IGF2BP3: variants seen among roughly 807,000 people sequenced by gnomAD.
The protein encoded by IGF2BP3 is insulin-like growth factor 2 mRNA-binding protein 3.
Under a neutral mutation model 73.8 loss-of-function variants are expected in IGF2BP3, and 9 were observed. The observed-to-expected ratio is 0.12, with a 90% confidence interval of 0.07 to 0.21. IGF2BP3 has a LOEUF of 0.21. Among genes scored for constraint, IGF2BP3 ranks in the 10% least tolerant of loss-of-function variants. IGF2BP3 has a pLI of 1.00. For synonymous variants in IGF2BP3, 258 were observed against 256.7 expected (o/e 1.01, Z -0.05); for missense variants, 542 against 714.0 (o/e 0.76, Z 2.75).
intron 2 of IGF2BP3, among the ~76,000 whole-genome samples, chr7:23,420,765 G>C (rs547977199): frequency 6.6e-6 from 1 of 152,278 alleles, no homozygotes; most frequent in South Asian, 2.1e-4. Context: ...ATGGAGGAGG[G>C]AAGGAAGAGA....
chr7:23,461,464 C>T (rs1039300998), intron 2 of IGF2BP3, among the ~76,000 whole-genome samples: 2 of 152,166 alleles, frequency 1.3e-5, no homozygotes, highest in Non-Finnish European at 2.9e-5. Flanking sequence ...ACCAAAGTTC[C>T]TATTTTCTAC....
chr7:23,320,974 AAAC>A (rs1784127710), intron 10 of IGF2BP3, among the ~76,000 whole-genome samples: 1 of 151,248 alleles, frequency 6.6e-6, no homozygotes, highest in South Asian at 2.1e-4. Flanking sequence ...AAAAAAGAAA[AAAC>A]AAAAAAGAAA....
At chr7:23,440,580 G>T (rs992953305) in intron 2 of IGF2BP3, among the ~76,000 whole-genome samples, 12 of 152,230 alleles carry the variant, frequency 7.9e-5, no homozygotes, top group Non-Finnish European at 1.5e-4. Flanking sequence ...TAAGCTTTAA[G>T]AATGTGTTAC....
intron 3 of IGF2BP3, among the ~76,000 whole-genome samples, chr7:23,376,199 A>T (rs905543654): frequency 1.3e-5 from 2 of 152,240 alleles, no homozygotes; most frequent in African/African-American, 4.8e-5. Context: ...CACTGGAAGA[A>T]GTCTTAAACT....
chr7:23,342,152 G>A lies in IGF2BP3; in HGVS notation c.1115C>T (p.Ala372Val). The A allele has an allele frequency of 6.2e-7, 1 of 1,613,842 alleles. No individual in the cohort carries two copies. Residue 372 changes from alanine to valine, a missense_variant, in exon 10 of 15, where the codon GCC (alanine) becomes GTC (valine). By Grantham distance (64) the Ala-to-Val change is moderately conservative (BLOSUM62 0). Transcript: ENST00000258729. Reference protein sequence around the residue: ...AHLIPGLNLNALGLFPPTSGM... With the variant: ...AHLIPGLNLNVLGLFPPTSGM... ...TGAAGTGGGTGGGAACAGACCCAAG[G>A]CGTTCAGATTTAATCCAGGAATTAA...
rs374001153 is a variant in IGF2BP3, at chr7:23,343,738, T to C, written c.1057A>G (p.Asn353Asp). The C allele has an allele frequency of 1.2e-6, 2 of 1,611,808 alleles. No homozygotes were observed. The highest frequency in any genetic ancestry group is 2.7e-5 in the African/African-American group (2 of 74,888). Reference protein sequence around the residue: ...IMKKIRESYENDIASMNLQAH... With the variant: ...IMKKIRESYEDDIASMNLQAH... ...CTAACATTCATAGAAGCAATATCAT[T>C]TTCATAAGACTCCCTGATTTTCTTC... The change falls in exon 9 of 15, where the codon AAT (asparagine) becomes GAT (aspartate). Residue 353 changes from asparagine (N) to aspartate (D), a missense_variant. Transcript: ENST00000258729.
At chr7:23,462,248 A>G (rs1172499846) in intron 2 of IGF2BP3, among the ~76,000 whole-genome samples, 1 of 152,256 alleles carries the variant, frequency 6.6e-6, no homozygotes, top group Non-Finnish European at 1.5e-5. Flanking sequence ...CTGATATACC[A>G]TAACCACAAT....
chr7:23,429,434 C>CAT (rs1414320798), intron 2 of IGF2BP3, among the ~76,000 whole-genome samples: 6 of 152,170 alleles, frequency 3.9e-5, no homozygotes, highest in African/African-American at 1.4e-4. Context: ...GCAGGGTCAG[C>CAT]ATATGTATTT....
At chr7:23,396,221 G>A (rs1786457590) in intron 3 of IGF2BP3, among the ~76,000 whole-genome samples, 1 of 151,972 alleles carries the variant, frequency 6.6e-6, no homozygotes, top group South Asian at 2.1e-4. Flanking sequence ...ACAGACACAA[G>A]TCATAAGACA....
chr7:23,458,592 C>T (rs1227905215), intron 2 of IGF2BP3, among the ~76,000 whole-genome samples: 2 of 152,132 alleles, frequency 1.3e-5, no homozygotes, highest in African/African-American at 4.8e-5. Context: ...CTCCCCATGC[C>T]CTCTGCTCTA....
At chr7:23,370,807 A>T (rs1434386732) in intron 3 of IGF2BP3, among the ~76,000 whole-genome samples, 1 of 151,846 alleles carries the variant, frequency 6.6e-6, no homozygotes, top group East Asian at 1.9e-4. Context: ...CCTCCCGAGA[A>T]GCTGGGATTA....
chr7:23,406,303 T>C (rs1477437838), intron 3 of IGF2BP3, among the ~76,000 whole-genome samples: 1 of 152,108 alleles, frequency 6.6e-6, no homozygotes, highest in Non-Finnish European at 1.5e-5. Flanking sequence ...GCTTTTCTGA[T>C]TGGAGAATCA....
chr7:23,359,769 T>C (rs1371164144), intron 5 of IGF2BP3, among the ~76,000 whole-genome samples: 1 of 152,082 alleles, frequency 6.6e-6, no homozygotes, highest in Admixed American at 6.6e-5. Context: ...GCCTCTGCTT[T>C]CTCCCTGCCC....
At chr7:23,384,134 C>T (rs1786007076) in intron 3 of IGF2BP3, among the ~76,000 whole-genome samples, 1 of 147,438 alleles carries the variant, frequency 6.8e-6, no homozygotes, top group Non-Finnish European at 1.5e-5. Flanking sequence ...AGTCTGGATA[C>T]AGGCAACAAC....
chr7:23,330,792 C>A (rs1458906702), intron 10 of IGF2BP3, among the ~76,000 whole-genome samples: 1 of 152,012 alleles, frequency 6.6e-6, no homozygotes, highest in African/African-American at 2.4e-5. Context: ...TCATACATTG[C>A]TTTTTCTTGT....
chr7:23,343,140 C>T (rs1052274470), intron 9 of IGF2BP3, among the ~76,000 whole-genome samples: 5 of 152,186 alleles, frequency 3.3e-5, no homozygotes, highest in African/African-American at 1.2e-4. Context: ...AGATGCACTA[C>T]ACAGATTGTT....
chr7:23,446,671 G>T (rs989160956), intron 2 of IGF2BP3, among the ~76,000 whole-genome samples: 2 of 152,186 alleles, frequency 1.3e-5, no homozygotes, highest in African/African-American at 4.8e-5. Flanking sequence ...ATCAATGGAT[G>T]CTAAAATTAG....
chr7:23,395,795 AGG>A (rs1183349337), intron 3 of IGF2BP3, among the ~76,000 whole-genome samples: 1 of 151,840 alleles, frequency 6.6e-6, no homozygotes, highest in Admixed American at 6.6e-5. Context: ...GCGTGGTGAC[AGG>A]TGCCTGTAAT....
intron 3 of IGF2BP3, among the ~76,000 whole-genome samples, chr7:23,390,129 T>G (rs1200243025): frequency 2.0e-5 from 3 of 152,194 alleles, no homozygotes; most frequent in African/African-American, 7.2e-5. Flanking sequence ...AAAAACAATG[T>G]CTTGTCCATT....
Sources: gnomAD v4.1 joint callset for allele counts (sites outside exome capture counted in the v4.1 genomes callset) on GRCh38, gnomAD v4.1.1 for gene constraint, MANE v1.5 for transcripts, NCBI Gene and HGNC (gene_info 2026-07-23, HGNC 2026-07-21) for gene names.